PEX5L: variants seen among roughly 807,000 people sequenced by gnomAD.
PEX5L encodes PEX5-related protein.
A neutral mutation model predicts 84.0 loss-of-function variants in PEX5L; 30 were observed. That is an observed-to-expected ratio of 0.36 (90% CI 0.27 to 0.48). The LOEUF (loss-of-function observed/expected upper bound fraction) is 0.48, where lower values mean the gene tolerates loss of function less well. Ranked by LOEUF, PEX5L falls within the 20% of genes least tolerant of loss-of-function variation. The probability of loss-of-function intolerance (pLI) is 0.99; values close to 1 mark genes in which losing one functional copy is unlikely to be tolerated. For missense variants in PEX5L, 533 were observed against 754.6 expected, an observed-to-expected ratio of 0.71 and a Z score of 3.44; for synonymous variants, 270 against 283.1, an observed-to-expected ratio of 0.95 and a Z score of 0.46.
intron 2 of PEX5L, chr3:179,900,635 T>G: frequency 2.9e-6 from 4 of 1,393,810 alleles, no homozygotes; most frequent in Non-Finnish European, 3.9e-6. Context: ...AATAAATACA[T>G]GCGGTGCTTT....
chr3:179,954,420 T>TGCCCTATTCCGTGATTCAGTACTGG (rs1779981862), intron 2 of PEX5L, among the ~76,000 whole-genome samples: 2 of 152,218 alleles, frequency 1.3e-5, no homozygotes, highest in Non-Finnish European at 1.5e-5. Context: ...ACCCTCTGCT[T>TGCCCTATTCCGTGATTCAGTACTGG]GCCCTATTCC....
chr3:179,816,035 C>G lies in PEX5L; in HGVS notation c.940-31G>C, dbSNP rs971864893. 6 of 1,603,680 alleles carry G rather than the reference C, an allele frequency of 3.7e-6. No individual in the cohort carries two copies. The African/African-American group carries it at 8.0e-5, about 22-fold the overall frequency. ...ACACAGAAAAAGGCCAGTGCATGAG[C>G]CATTGATTTCTCTTCTCATTCTCAC... On this transcript the variant is annotated intron_variant, in intron 9 of 14. Transcript: ENST00000467460.
At chr3:179,867,992 T>C (rs959970796) in intron 7 of PEX5L, among the ~76,000 whole-genome samples, 8 of 151,982 alleles carry the variant, frequency 5.3e-5, no homozygotes, top group African/African-American at 1.9e-4. Context: ...AGGTGGTCTG[T>C]AGTTAAGAAC....
At chr3:179,964,482 A>G (rs1782837612) in intron 2 of PEX5L, among the ~76,000 whole-genome samples, 2 of 152,240 alleles carry the variant, frequency 1.3e-5, no homozygotes, top group South Asian at 4.1e-4. Context: ...TCTGCACAGC[A>G]AAAGAAACTG....
At position 179,796,120 on chromosome 3, in the gene PEX5L, T is replaced by C. The variant is rs540990055; in HGVS notation, c.*5708A>G. The C allele has an allele frequency of 1.3e-5, 2 of 152,322 alleles. No homozygotes were observed. The highest frequency in any genetic ancestry group is 3.9e-4 in the East Asian group (2 of 5,182). The allele number at this position is 152,322 out of a possible 1,614,324, so 9.4% of individuals were successfully genotyped here. On this transcript the variant is annotated 3_prime_UTR_variant, in exon 15 of 15. Coordinates refer to ENST00000467460, the MANE Select transcript of PEX5L (RefSeq NM_016559.3). ...TGCTCGAATTACCGAGCTGAGTGTG[T>C]ATACCTCTTAGTCTTTTTGTGTTAT...
At chr3:179,886,833 T>C (rs1049400932) in intron 4 of PEX5L, among the ~76,000 whole-genome samples, 1 of 152,216 alleles carries the variant, frequency 6.6e-6, no homozygotes, top group Non-Finnish European at 1.5e-5. Flanking sequence ...GATGACAAAA[T>C]GGAACAAATT....
chr3:179,875,318 C>G (rs181882579), intron 6 of PEX5L, 36 bp downstream of exon 6: 1 of 1,609,078 alleles, frequency 6.2e-7, no homozygotes, highest in South Asian at 1.1e-5. Flanking sequence ...AAAGTTGATA[C>G]ATAAATGGCC....
At chr3:179,851,808 T>A (rs1742008964) in intron 8 of PEX5L, among the ~76,000 whole-genome samples, 1 of 152,162 alleles carries the variant, frequency 6.6e-6, no homozygotes, top group African/African-American at 2.4e-5. Flanking sequence ...ACATGGACTG[T>A]CACAAAAAAG....
rs1745067453 is a variant in PEX5L, at chr3:179,859,079, C to A, written c.805G>T (p.Ala269Ser). The A allele has an allele frequency of 6.2e-7, 1 of 1,612,930 alleles. No homozygotes were observed. The highest frequency in any genetic ancestry group is 1.1e-5 in the South Asian group (1 of 91,052). The change falls in exon 8 of 15, where the codon GCA (alanine) becomes TCA (serine). Residue 269 changes from alanine (A) to serine (S), a missense_variant. Ala to Ser is a moderately conservative substitution (Grantham distance 99). This residue lies in a region of PEX5L where 10 missense variants were observed against 40.6 expected (regional missense o/e 0.25). Transcript: ENST00000467460. ...NHSLEEEFER[A>S]KAAVESDTEF... ...AAAGTTACCTCCACTGCTGCTTTTGCCCTTTCAAACTCTTCTTCTAAGGAG... is the reference window on the plus strand; with the variant it reads ...AAAGTTACCTCCACTGCTGCTTTTGACCTTTCAAACTCTTCTTCTAAGGAG...
intron 1 of PEX5L, among the ~76,000 whole-genome samples, chr3:179,983,311 T>C (rs1786508895): frequency 6.6e-6 from 1 of 151,974 alleles, no homozygotes; most frequent in Non-Finnish European, 1.5e-5. Context: ...TACCTTAAAT[T>C]AATAATTTTT....
Position 179,847,077 on chromosome 3 carries a change from G to GTATA in PEX5L, c.822+11984_822+11985insTATA, listed in dbSNP as rs1434411293. Among the ~76,000 whole-genome samples the GTATA allele has an allele frequency of 1.1e-3, 138 of 126,462 alleles. 1 individual carries two copies. The highest frequency in any genetic ancestry group is 4.0e-3 in the African/African-American group (135 of 33,508). The allele number at this position is 126,462 out of a possible 152,430, so 83.0% of individuals were successfully genotyped here. A position where few individuals can be genotyped will look rare whatever the true frequency, so the allele number is the denominator to read the frequency against. On this transcript the variant is annotated intron_variant, in intron 8 of 14. Coordinates refer to ENST00000467460, the MANE Select transcript of PEX5L (RefSeq NM_016559.3). ...TTTCTCCATGTGTGTGTGTGTGTGT[G>GTATA]TGTGTATATATATATATATATATGT... is the stretch of plus-strand genomic sequence containing the variant.
At position 179,887,006 on chromosome 3, in the gene PEX5L, A is replaced by G. The variant is rs1277948529; in HGVS notation, c.310+667T>C. Among the ~76,000 whole-genome samples the G allele has an allele frequency of 2.0e-5, 3 of 152,238 alleles. No individual in the cohort carries two copies. In the East Asian group the frequency reaches 5.8e-4, roughly 29 times the overall value. On this transcript the variant is annotated intron_variant, in intron 4 of 14. Coordinates refer to ENST00000467460, the MANE Select transcript of PEX5L (RefSeq NM_016559.3). ...GACCAAATGAAATCAATGCAGAAAG[A>G]CTGCCTCTACAAGGGAAGTGTAATT...
At chr3:180,014,352 G>T (rs1789747947) in intron 1 of PEX5L, among the ~76,000 whole-genome samples, 1 of 152,068 alleles carries the variant, frequency 6.6e-6, no homozygotes, top group South Asian at 2.1e-4. Context: ...GGCGCCTGGA[G>T]TCCCAGCTAC....
intron 1 of PEX5L, among the ~76,000 whole-genome samples, chr3:180,025,207 C>G (rs1414446731): frequency 2.0e-5 from 3 of 152,136 alleles, no homozygotes; most frequent in Non-Finnish European, 4.4e-5. Context: ...TGGGAATAGA[C>G]CAGATCCTGA....
At chr3:179,866,816 G>A (rs1209902677) in intron 7 of PEX5L, among the ~76,000 whole-genome samples, 2 of 151,750 alleles carry the variant, frequency 1.3e-5, no homozygotes, top group African/African-American at 4.8e-5. Context: ...CCCGAGCTCG[G>A]GAGTTTGAAA....
chr3:179,890,335 G>T (rs1176047223), intron 3 of PEX5L, among the ~76,000 whole-genome samples: 1 of 152,154 alleles, frequency 6.6e-6, no homozygotes, highest in East Asian at 1.9e-4. Context: ...TTGTAACAGG[G>T]TTGCATTTAC....
intron 2 of PEX5L, among the ~76,000 whole-genome samples, chr3:179,965,351 G>T (rs1783073085): frequency 6.6e-6 from 1 of 152,206 alleles, no homozygotes; most frequent in Non-Finnish European, 1.5e-5. Flanking sequence ...CTGGACACAT[G>T]GCTCTACAAG....
chr3:179,950,746 G>A (rs1164556976), intron 2 of PEX5L, among the ~76,000 whole-genome samples: 2 of 152,148 alleles, frequency 1.3e-5, no homozygotes, highest in African/African-American at 4.8e-5. Context: ...GCCCCTCACT[G>A]GCACTGCACG....
chr3:179,895,115 T>C (rs542028294), intron 3 of PEX5L, among the ~76,000 whole-genome samples: 1 of 152,230 alleles, frequency 6.6e-6, no homozygotes, highest in Admixed American at 6.5e-5. Context: ...TAGTGGCTAC[T>C]TTTAAAAAAG....
Sources: gnomAD v4.1 joint callset for allele counts (sites outside exome capture counted in the v4.1 genomes callset) on GRCh38, gnomAD v4.1.1 for gene constraint, gnomAD v4.1.1 regional missense constraint, MANE v1.5 for transcripts, NCBI Gene and HGNC (gene_info 2026-07-23, HGNC 2026-07-21) for gene names.